Variants in NOL10 observed in about 807,000 individuals in gnomAD.
NOL10 encodes nucleolar protein 10.
NOL10 carries 58 observed loss-of-function variants against 103.5 expected under a neutral mutation model. The ratio of observed to expected loss-of-function variants is 0.56; its 90% confidence interval spans 0.45 to 0.70. The LOEUF (loss-of-function observed/expected upper bound fraction) is 0.70, where lower values mean the gene tolerates loss of function less well. NOL10 is among the 30% of genes least tolerant of loss of function. The pLI, the probability that NOL10 is intolerant of heterozygous loss-of-function variation, is 0.00. For synonymous variants in NOL10, 287 were observed against 282.5 expected (o/e 1.02, Z -0.16); for missense variants, 763 against 807.3 (o/e 0.95, Z 0.67).
Position 10,678,334 on chromosome 2 carries a change from G to C in NOL10, c.212-2463C>G, listed in dbSNP as rs577247953. On this transcript the variant is annotated intron_variant, in intron 3 of 20. Transcript: ENST00000381685. Reference sequence around the variant, plus strand: ...CCCAAAGTGCAGGGATTATAGGCATGAGCTACTGTGTACCCTGCTGTTTTT... The same window carrying C: ...CCCAAAGTGCAGGGATTATAGGCATCAGCTACTGTGTACCCTGCTGTTTTT... Among the ~76,000 whole-genome samples the C allele has an allele frequency of 7.1e-4, 108 of 151,590 alleles. 1 individual carries two copies. The highest frequency in any genetic ancestry group is 2.5e-3 in the African/African-American group (104 of 41,304).
At chr2:10,654,741 G>A (rs1409063192) in intron 11 of NOL10, among the ~76,000 whole-genome samples, 194 bp from the exon 12 acceptor site, 1 of 151,982 alleles carries the variant, frequency 6.6e-6, no homozygotes, top group East Asian at 1.9e-4. Flanking sequence ...CCATTTTATA[G>A]ATGAAGAAAC....
At position 10,600,949 on chromosome 2, in the gene NOL10, A is replaced by G; in HGVS notation, c.1333-7T>C. 6.8e-7 allele frequency: 1 copy of G among 1,476,582 alleles called. No homozygotes were observed. The highest frequency in any genetic ancestry group is 9.2e-7 in the Non-Finnish European group (1 of 1,084,034). 91.5% of individuals were successfully genotyped at this position (1,476,582 alleles called of 1,614,324 possible). ...TGTTAACTTTTGGCAATTTCTAGAG[A>G]GAAAATAAAAGCTGGTATTTTATTT... On this transcript the variant is annotated splice_region_variant and splice_polypyrimidine_tract_variant and intron_variant, in intron 16 of 20. Transcript: ENST00000381685.
At chr2:10,634,913 T>C (rs1006067283) in intron 13 of NOL10, among the ~76,000 whole-genome samples, 1 of 152,136 alleles carries the variant, frequency 6.6e-6, no homozygotes, top group Non-Finnish European at 1.5e-5. Context: ...GCATATGAGA[T>C]GTATGTTCAA....
At chr2:10,665,869 A>C (rs979453938) in intron 8 of NOL10, among the ~76,000 whole-genome samples, 6 of 152,186 alleles carry the variant, frequency 3.9e-5, no homozygotes, top group African/African-American at 1.4e-4. Flanking sequence ...TTCAAATATT[A>C]ATCTTTTTTT....
At chr2:10,649,111 G>A (rs775729117) in intron 12 of NOL10, among the ~76,000 whole-genome samples, 2 of 151,982 alleles carry the variant, frequency 1.3e-5, no homozygotes, top group Non-Finnish European at 2.9e-5. Flanking sequence ...TGATTTTCAG[G>A]AGATCAATGC....
intron 13 of NOL10, among the ~76,000 whole-genome samples, chr2:10,637,409 C>T (rs1678336342): frequency 1.3e-5 from 2 of 152,144 alleles, no homozygotes; most frequent in Non-Finnish European, 2.9e-5. Context: ...AAAGCATCTC[C>T]CTGACAACCC....
intron 20 of NOL10, among the ~76,000 whole-genome samples, chr2:10,576,026 G>A (rs919551723): frequency 1.3e-5 from 2 of 152,212 alleles, no homozygotes; most frequent in African/African-American, 4.8e-5. Context: ...CTGGATGCAC[G>A]TTGGGAAAAT....
intron 19 of NOL10, among the ~76,000 whole-genome samples, chr2:10,579,631 G>A (rs552450765): frequency 6.6e-6 from 1 of 150,472 alleles, no homozygotes; most frequent in African/African-American, 2.4e-5. Flanking sequence ...TGAATTATGT[G>A]AGCCTCAGCA....
intron 19 of NOL10, among the ~76,000 whole-genome samples, chr2:10,581,401 C>T (rs1053884921): frequency 1.0e-5 from 1 of 97,730 alleles, no homozygotes; most frequent in African/African-American, 5.3e-5. Flanking sequence ...ACCTCAACAC[C>T]CATCGTCAGA....
intron 12 of NOL10, among the ~76,000 whole-genome samples, chr2:10,651,155 A>G (rs1679426912): frequency 6.6e-6 from 1 of 152,204 alleles, no homozygotes; most frequent in South Asian, 2.1e-4. Flanking sequence ...GAAGCTGTTT[A>G]GGCACACAGC....
At chr2:10,621,358 G>A (rs12467642) in intron 13 of NOL10, among the ~76,000 whole-genome samples, 89,505 of 151,548 alleles carry the variant, frequency 0.59, 27,399 homozygotes, top group African/African-American at 0.74. Flanking sequence ...CTTTGGGATG[G>A]CAAAGCAGGA....
At chr2:10,649,841 A>G (rs192791562) in intron 12 of NOL10, among the ~76,000 whole-genome samples, 59 of 152,292 alleles carry the variant, frequency 3.9e-4, no homozygotes, top group Non-Finnish European at 7.2e-4. Context: ...GTGTTCACAT[A>G]AAACTTTATG....
chr2:10,586,954 A>T (rs1194087655), intron 19 of NOL10, among the ~76,000 whole-genome samples: 5 of 135,312 alleles, frequency 3.7e-5, no homozygotes, highest in East Asian at 2.0e-4. Flanking sequence ...AAGAAGGTTT[A>T]AAAAAAAAAT....
rs181981536 is a variant in NOL10 at position 10,643,689 on chromosome 2, T to C, written c.1026+631A>G. On this transcript the variant is annotated intron_variant, in intron 13 of 20. Coordinates refer to ENST00000381685, the MANE Select transcript of NOL10 (RefSeq NM_024894.4). Reference sequence around the variant, plus strand: ...TATAGTGAGATGACTTGAAGAGTAATAGACTTTTCAGAATTAGACCTCCGG... The same window carrying C: ...TATAGTGAGATGACTTGAAGAGTAACAGACTTTTCAGAATTAGACCTCCGG... 3.3e-3 allele frequency among the ~76,000 whole-genome samples: 496 copies of C among 152,294 alleles called. 4 individuals are homozygous for C. The highest frequency in any genetic ancestry group is 0.011 in the African/African-American group (477 of 41,566).
intron 19 of NOL10, among the ~76,000 whole-genome samples, chr2:10,582,718 G>A (rs1236313226): frequency 2.6e-5 from 4 of 152,076 alleles, no homozygotes; most frequent in Non-Finnish European, 5.9e-5. Flanking sequence ...CCTGGTACTC[G>A]GGCCCACTGC....
At chr2:10,641,855 G>A (rs1678718021) in intron 13 of NOL10, among the ~76,000 whole-genome samples, 3 of 152,008 alleles carry the variant, frequency 2.0e-5, no homozygotes, top group South Asian at 4.2e-4. Flanking sequence ...TCCATAACGC[G>A]GCTCTCCAGC....
At chr2:10,595,552 C>A (rs1675632063) in intron 17 of NOL10, among the ~76,000 whole-genome samples, 1 of 152,044 alleles carries the variant, frequency 6.6e-6, no homozygotes, top group African/African-American at 2.4e-5. Context: ...CCTGCCTTGG[C>A]CTCCCAAAAT....
chr2:10,664,896 AATT>A (rs1273017213), intron 8 of NOL10, among the ~76,000 whole-genome samples: 1 of 150,674 alleles, frequency 6.6e-6, no homozygotes, highest in Non-Finnish European at 1.5e-5. Flanking sequence ...ATACACAGCA[AATT>A]ATTAACAGTA....
chr2:10,618,507 C>T (rs1051812324), intron 13 of NOL10, among the ~76,000 whole-genome samples: 3 of 152,198 alleles, frequency 2.0e-5, no homozygotes, highest in African/African-American at 7.2e-5. Context: ...ATACCATAAG[C>T]GATTGGCTCT....
Sources: gnomAD v4.1 joint callset for allele counts (sites outside exome capture counted in the v4.1 genomes callset) on GRCh38, gnomAD v4.1.1 for gene constraint, MANE v1.5 for transcripts, NCBI Gene and HGNC (gene_info 2026-07-23, HGNC 2026-07-21) for gene names.